Variants in WWC2 observed in about 807,000 individuals in gnomAD.
WWC2 encodes the protein WW and C2 domain containing 2, also known as protein WWC2.
In WWC2, 101 loss-of-function variants were observed where a neutral mutation model predicts 138.5. The ratio of observed to expected loss-of-function variants is 0.73; its 90% confidence interval spans 0.62 to 0.86. The LOEUF is 0.86. Ranked by LOEUF, WWC2 falls within the 40% of genes least tolerant of loss-of-function variation. The pLI is 0.00. For synonymous variants in WWC2, 558 were observed against 538.4 expected (o/e 1.04, Z -0.50); for missense variants, 1,420 against 1,419.4 (o/e 1.00, Z -0.01).
intron 9 of WWC2, among the ~76,000 whole-genome samples, chr4:183,257,014 AG>A (rs1366745350): frequency 6.6e-6 from 1 of 151,672 alleles, no homozygotes; most frequent in Non-Finnish European, 1.5e-5. Context: ...AAGCATTGCC[AG>A]GCCTAAAGAG....
At chr4:183,211,654 C>A (rs556718413) in intron 4 of WWC2, among the ~76,000 whole-genome samples, 1 of 152,118 alleles carries the variant, frequency 6.6e-6, no homozygotes, top group Non-Finnish European at 1.5e-5. Flanking sequence ...CTGAACTTCA[C>A]GTCTCTTCCC....
intron 14 of WWC2, 41 bp downstream of exon 14, chr4:183,265,992 A>G (rs1227133256): frequency 6.5e-7 from 1 of 1,536,448 alleles, no homozygotes; most frequent in South Asian, 1.2e-5. Flanking sequence ...GAACTTAAAC[A>G]TTTCCATGTA....
chr4:183,269,167 G>A lies in WWC2; in HGVS notation c.2400+4G>A, dbSNP rs530732332. ...ACACCGAAGGGAAGAATGCCTGGTA[G>A]GATTCTTCATAATTCCCATTACCAA... is the stretch of plus-strand genomic sequence containing the variant. On this transcript the variant is annotated splice_donor_region_variant and intron_variant, in intron 15 of 22. Coordinates refer to ENST00000403733, the MANE Select transcript of WWC2 (RefSeq NM_024949.6). The A allele has an allele frequency of 2.4e-5, 39 of 1,601,748 alleles. No individual in the cohort carries two copies. The highest frequency in any genetic ancestry group is 3.3e-4 in the Middle Eastern group (2 of 6,016).
At chr4:183,172,632 G>T (rs749209837) in intron 1 of WWC2, among the ~76,000 whole-genome samples, 2 of 150,196 alleles carry the variant, frequency 1.3e-5, no homozygotes, top group East Asian at 2.0e-4. Flanking sequence ...AAGTTTTTGG[G>T]TTTTGTTTTT....
chr4:183,308,667 C>A (rs1739102865), intron 21 of WWC2, among the ~76,000 whole-genome samples: 1 of 152,132 alleles, frequency 6.6e-6, no homozygotes. Context: ...TTGCATATAA[C>A]CCACATCCTC....
At chr4:183,273,492 C>T (rs547097016) in intron 16 of WWC2, among the ~76,000 whole-genome samples, 51 of 152,054 alleles carry the variant, frequency 3.4e-4, no homozygotes, top group Non-Finnish European at 5.6e-4. Context: ...TTAGTAGAGA[C>T]GGGGTTTCTC....
chr4:183,195,937 G>A (rs1259669262), intron 2 of WWC2, among the ~76,000 whole-genome samples: 6 of 152,158 alleles, frequency 3.9e-5, no homozygotes, highest in African/African-American at 1.4e-4. Context: ...AGGGCCTGAT[G>A]GGAGGTGATT....
chr4:183,287,027 A>G (rs1421275321), intron 20 of WWC2, among the ~76,000 whole-genome samples: 1 of 152,076 alleles, frequency 6.6e-6, no homozygotes, highest in Non-Finnish European at 1.5e-5. Flanking sequence ...CGGCATGAGG[A>G]GTGTCAGGTT....
chr4:183,250,085 C>A, intron 8 of WWC2, 92 bp downstream of exon 8: 1 of 1,153,768 alleles, frequency 8.7e-7, no homozygotes. Flanking sequence ...CTGGGCACTC[C>A]CCATACATTC....
At chr4:183,262,526 C>A (rs1644115408) in intron 11 of WWC2, among the ~76,000 whole-genome samples, 1 of 152,262 alleles carries the variant, frequency 6.6e-6, no homozygotes, top group South Asian at 2.1e-4. Context: ...CACCTTGTTT[C>A]TACGGTTTCA....
intron 1 of WWC2, among the ~76,000 whole-genome samples, chr4:183,127,200 T>G (rs1399409704): frequency 2.0e-5 from 3 of 152,102 alleles, no homozygotes; most frequent in African/African-American, 7.2e-5. Context: ...ACGTATAAAA[T>G]TATTCCTTAA....
At chr4:183,171,948 G>A (rs1734298570) in intron 1 of WWC2, among the ~76,000 whole-genome samples, 1 of 152,086 alleles carries the variant, frequency 6.6e-6, no homozygotes. Context: ...GAAATCAGTA[G>A]TCTGTGTGTA....
intron 14 of WWC2, among the ~76,000 whole-genome samples, chr4:183,266,390 T>C (rs1737506172): frequency 6.6e-6 from 1 of 152,236 alleles, no homozygotes; most frequent in South Asian, 2.1e-4. Flanking sequence ...AGAGTATGTT[T>C]TTATCATCAA....
At chr4:183,183,782 C>CA (rs1225992753) in intron 1 of WWC2, among the ~76,000 whole-genome samples, 112 of 141,506 alleles carry the variant, frequency 7.9e-4, no homozygotes, top group African/African-American at 1.4e-3. Context: ...GACCCTGTCT[C>CA]AAAAAAAAAA....
chr4:183,210,941 C>T (rs1580061329), intron 4 of WWC2, among the ~76,000 whole-genome samples: 1 of 152,232 alleles, frequency 6.6e-6, no homozygotes, highest in African/African-American at 2.4e-5. Flanking sequence ...TCAGTGGATA[C>T]TGCCAGTTTC....
intron 1 of WWC2, among the ~76,000 whole-genome samples, chr4:183,144,549 T>C (rs1296120139): frequency 2.0e-5 from 3 of 152,212 alleles, no homozygotes; most frequent in African/African-American, 7.2e-5. Context: ...TTCATAATTG[T>C]GGAGCATTGC....
chr4:183,195,236 A>G (rs1369053338), intron 2 of WWC2, among the ~76,000 whole-genome samples: 1 of 152,156 alleles, frequency 6.6e-6, no homozygotes, highest in Non-Finnish European at 1.5e-5. Context: ...TAACTATTTA[A>G]CTCTCACTTT....
In WWC2 at chr4:183,125,902, T is replaced by C. The variant is rs142899734; in HGVS notation, c.131+26280T>C. Among the ~76,000 whole-genome samples, 194 of 152,312 alleles carry C rather than the reference T, an allele frequency of 1.3e-3. 1 individual carries two copies. Among genetic ancestry groups the C allele is most frequent in the African/African-American group, 4.5e-3 (189 of 41,578 alleles). On this transcript the variant is annotated intron_variant, in intron 1 of 22. Transcript: ENST00000403733. ...CACACAGTTGGTGAAATGAGAAGGA[T>C]TGGCCTTGTTCATGTCCACGGCTGG...
At chr4:183,271,501 C>T (rs923123682) in intron 16 of WWC2, among the ~76,000 whole-genome samples, 1 of 152,150 alleles carries the variant, frequency 6.6e-6, no homozygotes, top group African/African-American at 2.4e-5. Flanking sequence ...AATAAACTGA[C>T]ATAGGGGCTT....
Sources: allele counts gnomAD v4.1 joint callset (sites outside exome capture counted in the v4.1 genomes callset), GRCh38; gene constraint gnomAD v4.1.1; transcripts MANE v1.5; gene names NCBI Gene and HGNC (gene_info 2026-07-23, HGNC 2026-07-21).